Variants in KDM5A observed in about 807,000 individuals in gnomAD.
KDM5A encodes the protein lysine demethylase 5A, also known as lysine-specific demethylase 5A.
A neutral mutation model predicts 193.5 loss-of-function variants in KDM5A; 42 were observed. That is an observed-to-expected ratio of 0.22 (90% CI 0.17 to 0.28). The LOEUF is 0.28. Among genes scored for constraint, KDM5A ranks in the 10% least tolerant of loss-of-function variants. KDM5A has a pLI of 1.00. For synonymous variants in KDM5A, 796 were observed against 718.1 expected (o/e 1.11, Z -1.73); for missense variants, 1,692 against 2,055.1 (o/e 0.82, Z 3.42).
At chr12:339,782 C>A (rs1384454788) in intron 10 of KDM5A, among the ~76,000 whole-genome samples, 2 of 152,172 alleles carry the variant, frequency 1.3e-5, no homozygotes, top group Non-Finnish European at 2.9e-5. Context: ...TGATTCTCAT[C>A]TCCTGAAATT....
intron 17 of KDM5A, among the ~76,000 whole-genome samples, chr12:321,940 G>A (rs1215080468): frequency 6.6e-6 from 1 of 152,134 alleles, no homozygotes; most frequent in Non-Finnish European, 1.5e-5. Context: ...GGGGATGGGG[G>A]AGAAAAGACA....
chr12:364,774 C>T (rs1173581797), intron 4 of KDM5A, among the ~76,000 whole-genome samples: 4 of 92,064 alleles, frequency 4.3e-5, no homozygotes, highest in Non-Finnish European at 8.3e-5. Context: ...GACGGAGTCT[C>T]ATCTCAAAAA....
At chr12:350,504 T>C (rs1379199767) in intron 10 of KDM5A, 117 bp downstream of exon 10, 11 of 978,992 alleles carry the variant, frequency 1.1e-5, no homozygotes, top group Non-Finnish European at 1.8e-5. Flanking sequence ...TGAAGATTAT[T>C]TATACTGCCA....
intron 19 of KDM5A, among the ~76,000 whole-genome samples, chr12:314,256 C>T (rs901125003): frequency 2.0e-5 from 3 of 152,090 alleles, no homozygotes; most frequent in African/African-American, 4.8e-5. Context: ...AGTGCAGTGG[C>T]GCAATCTCAG....
intron 10 of KDM5A, among the ~76,000 whole-genome samples, chr12:346,686 T>C (rs1944081345): frequency 6.6e-6 from 1 of 152,208 alleles, no homozygotes; most frequent in African/African-American, 2.4e-5. Context: ...TCTCAATAGA[T>C]GCAGAAAAGG....
chr12:307,706 A>C lies in KDM5A; in HGVS notation c.3678T>G (p.Ile1226Met). 1.9e-6 allele frequency: 3 copies of C among 1,614,174 alleles called. No homozygotes were observed. The highest frequency in any genetic ancestry group is 2.5e-6 in the Non-Finnish European group (3 of 1,180,030). ...TCTGAAGGGATACCAGGAGTGACAGAATAGTCTCTAGCCTGGGCCTTCGAG... is the reference window on the plus strand; with the variant it reads ...TCTGAAGGGATACCAGGAGTGACAGCATAGTCTCTAGCCTGGGCCTTCGAG... ...MRSRRPRLET[I>M]LSLLVSLQKL... Residue 1226 changes from isoleucine to methionine, a missense_variant, in exon 23 of 28, where the codon ATT (isoleucine) becomes ATG (methionine). Physicochemically the swap from Ile to Met is conservative, Grantham distance 10 (BLOSUM62 1). Transcript: ENST00000399788. The surrounding 1 kb of genome is among the most constrained non-coding windows in gnomAD (Gnocchi z 4.3).
chr12:309,666 A>T, intron 22 of KDM5A, 137 bp downstream of exon 22: 1 of 882,124 alleles, frequency 1.1e-6, no homozygotes, highest in Non-Finnish European at 1.8e-6. Flanking sequence ...ATTTACTTTT[A>T]ATGTGAAATA....
At chr12:380,352 A>G (rs999999656) in intron 3 of KDM5A, among the ~76,000 whole-genome samples, 6 of 152,166 alleles carry the variant, frequency 3.9e-5, no homozygotes, top group African/African-American at 1.4e-4. Flanking sequence ...AGAAAGTTTC[A>G]ATAGATTACT....
chr12:343,295 C>T (rs554742911), intron 10 of KDM5A, among the ~76,000 whole-genome samples: 229 of 152,322 alleles, frequency 1.5e-3, no homozygotes, highest in Non-Finnish European at 2.2e-3. Flanking sequence ...GTGGAGCCCA[C>T]GGCAGCTCAA....
intron 10 of KDM5A, among the ~76,000 whole-genome samples, chr12:348,493 A>G (rs2137445224): frequency 6.6e-6 from 1 of 152,374 alleles, no homozygotes; most frequent in Middle Eastern, 3.4e-3. Context: ...TCACAATAGC[A>G]AAGACTTGGA....
At position 348,971 on chromosome 12, in the gene KDM5A, G is replaced by A. The variant is rs1229999863; in HGVS notation, c.1308+1650C>T. Among the ~76,000 whole-genome samples the A allele has an allele frequency of 4.8e-5, 7 of 146,322 alleles. No homozygotes were observed. The East Asian group carries it at 5.9e-4, about 12-fold the overall frequency. On this transcript the variant is annotated intron_variant, in intron 10 of 27. Transcript: ENST00000399788. ...AACTCGTTATAGGGGGAAAAAACAC[G>A]CATTCAGTGAGGTGAGTTGAAGAAA... is the stretch of plus-strand genomic sequence containing the variant.
chr12:325,982 C>A (rs1229596033), intron 14 of KDM5A, among the ~76,000 whole-genome samples: 1 of 152,104 alleles, frequency 6.6e-6, no homozygotes. Flanking sequence ...CAACTGCACT[C>A]CAACCTGGGT....
chr12:323,433 T>A (rs1943745830), intron 15 of KDM5A, among the ~76,000 whole-genome samples, 167 bp downstream of exon 15: 1 of 152,190 alleles, frequency 6.6e-6, no homozygotes, highest in Non-Finnish European at 1.5e-5. Flanking sequence ...TAATTTCAGC[T>A]GCCAGGTTTA....
chr12:334,977 T>G (rs1367565041), intron 10 of KDM5A, among the ~76,000 whole-genome samples: 2 of 149,252 alleles, frequency 1.3e-5, no homozygotes, highest in Non-Finnish European at 3.0e-5. Context: ...CCACCATCAC[T>G]CCTAACCATT....
intron 22 of KDM5A, 66 bp downstream of exon 22, chr12:309,737 T>C: frequency 6.6e-7 from 1 of 1,517,636 alleles, no homozygotes. Flanking sequence ...AAACTGTGAG[T>C]CTGCTAATAT....
intron 24 of KDM5A, among the ~76,000 whole-genome samples, chr12:304,714 C>T (rs1208884836): frequency 6.6e-6 from 1 of 152,096 alleles, no homozygotes; most frequent in Non-Finnish European, 1.5e-5. Context: ...CTACTCCATC[C>T]AACCATATGA....
intron 27 of KDM5A, among the ~76,000 whole-genome samples, chr12:289,928 T>TTTTTTTTTTTTTTTTTTTC (rs1943272086): frequency 7.2e-6 from 1 of 139,106 alleles, no homozygotes; most frequent in African/African-American, 2.5e-5. Context: ...TTTTTTTTTT[T>TTTTTTTTTTTTTTTTTTTC]TTACATCATC....
intron 10 of KDM5A, among the ~76,000 whole-genome samples, chr12:336,417 A>C (rs1371217241): frequency 6.6e-6 from 1 of 152,010 alleles, no homozygotes; most frequent in African/African-American, 2.4e-5. Context: ...CACAGGTTTA[A>C]CTAAGAATTC....
At chr12:346,630 G>A (rs1035079491) in intron 10 of KDM5A, among the ~76,000 whole-genome samples, 5 of 152,104 alleles carry the variant, frequency 3.3e-5, no homozygotes, top group African/African-American at 9.7e-5. Context: ...ATCGATAAAC[G>A]TAATCCATCA....
Sources: allele counts gnomAD v4.1 joint callset (sites outside exome capture counted in the v4.1 genomes callset), GRCh38; gene constraint gnomAD v4.1.1; non-coding constraint Gnocchi (gnomAD v3.1); transcripts MANE v1.5; gene names NCBI Gene and HGNC (gene_info 2026-07-23, HGNC 2026-07-21).